Variants in KLF12 observed in about 807,000 individuals in gnomAD.
KLF12 encodes KLF transcription factor 12, also known as Krueppel-like factor 12.
Under a neutral mutation model 37.8 loss-of-function variants are expected in KLF12, and 9 were observed. The ratio of observed to expected loss-of-function variants is 0.24; its 90% CI spans 0.14 to 0.42. KLF12 has a LOEUF of 0.42. KLF12 is among the 10% of genes least tolerant of loss of function. The pLI, the probability that KLF12 is intolerant of heterozygous loss-of-function variation, is 1.00. For missense variants in KLF12, 411 were observed against 516.0 expected, an observed-to-expected ratio of 0.80 and a Z score of 1.97; for synonymous variants, 208 against 202.1, an observed-to-expected ratio of 1.03 and a Z score of -0.25.
At chr13:74,113,370 A>C (rs1368296546) in intron 1 of KLF12, among the ~76,000 whole-genome samples, 1 of 152,264 alleles carries the variant, frequency 6.6e-6, no homozygotes, top group Non-Finnish European at 1.5e-5. Flanking sequence ...AGAGAGGAGA[A>C]GTCAATGACT....
intron 3 of KLF12, among the ~76,000 whole-genome samples, chr13:73,886,917 G>A (rs1057139534): frequency 7.3e-5 from 11 of 151,498 alleles, no homozygotes; most frequent in South Asian, 2.1e-4. Flanking sequence ...GCTTGGACCC[G>A]GGAGGCGGAG....
the KLF12 span, among the ~76,000 whole-genome samples, chr13:74,229,000 A>G: frequency 2.0e-5 from 3 of 152,168 alleles, no homozygotes; most frequent in Admixed American, 6.6e-5. Flanking sequence ...CATGAAGCCA[A>G]TCAAAGTTAA....
At chr13:73,777,745 C>T (rs1880705354) in intron 5 of KLF12, among the ~76,000 whole-genome samples, 2 of 151,140 alleles carry the variant, frequency 1.3e-5, no homozygotes, top group East Asian at 2.0e-4. Context: ...CAATGGCAAA[C>T]GGGTGTGCAA....
chr13:73,837,296 G>A (rs191415006), intron 4 of KLF12, among the ~76,000 whole-genome samples: 232 of 152,184 alleles, frequency 1.5e-3, no homozygotes, highest in Non-Finnish European at 2.8e-3. Context: ...TCCTCCCTGC[G>A]CCAGTTATTA....
At chr13:73,960,887 T>G (rs1757050399) in intron 2 of KLF12, among the ~76,000 whole-genome samples, 1 of 152,178 alleles carries the variant, frequency 6.6e-6, no homozygotes, top group Admixed American at 6.5e-5. Context: ...TATTATCTTG[T>G]GCTAAGTATT....
intron 6 of KLF12, among the ~76,000 whole-genome samples, chr13:73,742,004 A>C (rs2137896979): frequency 7.6e-6 from 1 of 132,446 alleles, no homozygotes; most frequent in Admixed American, 8.5e-5. Context: ...GCAGTCACTC[A>C]CGTTGACCTT....
At chr13:73,906,722 G>A (rs1888318337) in intron 3 of KLF12, among the ~76,000 whole-genome samples, 1 of 152,088 alleles carries the variant, frequency 6.6e-6, no homozygotes, top group Non-Finnish European at 1.5e-5. Context: ...TCATCAAGTT[G>A]GTGAAAAATG....
chr13:74,076,885 G>C (rs367689084), intron 1 of KLF12, among the ~76,000 whole-genome samples: 2 of 152,100 alleles, frequency 1.3e-5, no homozygotes, highest in African/African-American at 4.8e-5. Context: ...TTGTAATTGA[G>C]AACCTGTGGT....
At chr13:74,154,161 G>A in the KLF12 span, among the ~76,000 whole-genome samples, 1 of 149,890 alleles carries the variant, frequency 6.7e-6, no homozygotes, top group Non-Finnish European at 1.5e-5. Flanking sequence ...CTTGAACCTG[G>A]GAGGCAGAGG....
rs1874047634 is a variant in KLF12, at chr13:73,695,142, T to C, written c.*348A>G. The C allele has an allele frequency of 4.8e-6, 1 of 210,240 alleles. No homozygotes were observed. Among genetic ancestry groups the C allele is most frequent in the African/African-American group, 2.3e-5 (1 of 43,734 alleles). The allele number at this position is 210,240 out of a possible 1,614,324, so 13.0% of individuals were successfully genotyped here. ...AGGTCTTGCTCTAGCCATCAATTTG[T>C]GGTAGGTGACCTTTAAGGTATCAAT... On this transcript the variant is annotated 3_prime_UTR_variant, in exon 8 of 8. Transcript: ENST00000377669.
chr13:73,846,470 A>G, intron 3 of KLF12, 97 bp from the exon 4 acceptor site: 4 of 1,079,588 alleles, frequency 3.7e-6, no homozygotes, highest in Non-Finnish European at 5.3e-6. Context: ...TTTTTCTCTT[A>G]TTGCTATGGG....
chr13:74,268,832 T>C, the KLF12 span, among the ~76,000 whole-genome samples: 1 of 152,180 alleles, frequency 6.6e-6, no homozygotes, highest in Non-Finnish European at 1.5e-5. Flanking sequence ...AGTGTTCTTT[T>C]GAGTTGGAAG....
intron 1 of KLF12, among the ~76,000 whole-genome samples, chr13:74,005,968 C>T (rs1227118024): frequency 6.6e-6 from 1 of 152,148 alleles, no homozygotes; most frequent in South Asian, 2.1e-4. Context: ...TGCTTCCCTT[C>T]CTGTCACCAC....
the KLF12 span, among the ~76,000 whole-genome samples, chr13:74,239,152 G>A: frequency 4.1e-5 from 6 of 145,742 alleles, no homozygotes; most frequent in Admixed American, 1.4e-4. Context: ...CTTTGTTCTC[G>A]TTGGTTTCAA....
intron 3 of KLF12, among the ~76,000 whole-genome samples, chr13:73,912,635 T>G (rs937014378): frequency 6.6e-6 from 1 of 152,120 alleles, no homozygotes; most frequent in African/African-American, 2.4e-5. Flanking sequence ...AGAGCCCATG[T>G]CCCTGTTGAC....
At chr13:74,132,783 C>CT (rs1343146809) in intron 1 of KLF12, among the ~76,000 whole-genome samples, 1 of 152,210 alleles carries the variant, frequency 6.6e-6, no homozygotes, top group Non-Finnish European at 1.5e-5. Flanking sequence ...CTCAAATGCA[C>CT]TGCGAAACAA....
At chr13:73,858,750 C>T (rs1467945619) in intron 3 of KLF12, among the ~76,000 whole-genome samples, 1 of 152,136 alleles carries the variant, frequency 6.6e-6, no homozygotes, top group Non-Finnish European at 1.5e-5. Flanking sequence ...AAGTGAACTA[C>T]ATTTGGAAAA....
chr13:74,195,638 G>T, the KLF12 span, among the ~76,000 whole-genome samples: 1 of 152,088 alleles, frequency 6.6e-6, no homozygotes. Flanking sequence ...TCACTCTGTT[G>T]CCCAGGCTGG....
chr13:73,935,600 C>G (rs773183256), intron 3 of KLF12, among the ~76,000 whole-genome samples: 2 of 151,964 alleles, frequency 1.3e-5, no homozygotes, highest in African/African-American at 2.4e-5. Flanking sequence ...ACATGATGCA[C>G]GAGCTCCCAC....
Sources: allele counts gnomAD v4.1 joint callset (sites outside exome capture counted in the v4.1 genomes callset), GRCh38; gene constraint gnomAD v4.1.1; transcripts MANE v1.5; gene names NCBI Gene and HGNC (gene_info 2026-07-23, HGNC 2026-07-21).